The following SDK1 variants were observed in gnomAD, a reference collection of about 807,000 sequenced individuals.
The protein encoded by SDK1 is protein sidekick-1.
Under a neutral mutation model 245.5 loss-of-function variants are expected in SDK1, and 157 were observed. That is an observed-to-expected ratio of 0.64 (90% CI 0.56 to 0.73). SDK1 has a LOEUF of 0.73. Among genes scored for constraint, SDK1 ranks in the 30% least tolerant of loss-of-function variants. The pLI, the probability that SDK1 is intolerant of heterozygous loss-of-function variation, is 0.00. For missense variants in SDK1, 3,583 were observed against 3,002.3 expected, an observed-to-expected ratio of 1.19 and a Z score of -4.52; for synonymous variants, 1,647 against 1,278.5, an observed-to-expected ratio of 1.29 and a Z score of -6.15.
chr7:3,919,060 T>C (rs1031176808), intron 5 of SDK1, among the ~76,000 whole-genome samples: 2 of 152,248 alleles, frequency 1.3e-5, no homozygotes, highest in Non-Finnish European at 2.9e-5. Flanking sequence ...ATATGAATAA[T>C]GTATGCTATC....
At chr7:3,652,781 C>G (rs1783050170) in intron 4 of SDK1, among the ~76,000 whole-genome samples, 3 of 152,110 alleles carry the variant, frequency 2.0e-5, no homozygotes, top group African/African-American at 7.2e-5. Flanking sequence ...ATTGGGTTCA[C>G]ACAAGGTTGA....
intron 44 of SDK1, among the ~76,000 whole-genome samples, chr7:4,249,581 G>C (rs1169543499): frequency 6.6e-6 from 1 of 152,166 alleles, no homozygotes; most frequent in Non-Finnish European, 1.5e-5. Flanking sequence ...GTCTCTTACA[G>C]ACCCCACCAG....
intron 1 of SDK1, among the ~76,000 whole-genome samples, chr7:3,609,887 G>C (rs1392117923): frequency 6.6e-6 from 1 of 151,836 alleles, no homozygotes; most frequent in Non-Finnish European, 1.5e-5. Flanking sequence ...TTTTAGTAGA[G>C]ATGGGGTCTT....
At position 3,557,231 on chromosome 7, in the gene SDK1, A is replaced by G. The variant is rs868426783; in HGVS notation, c.299-61849A>G. 9.8e-5 allele frequency among the ~76,000 whole-genome samples: 15 copies of G among 152,320 alleles called. No individual in the cohort carries two copies. In the Middle Eastern group the frequency reaches 0.01, roughly 104 times the overall value. On this transcript the variant is annotated intron_variant, in intron 1 of 44. Coordinates refer to ENST00000404826, the MANE Select transcript of SDK1 (RefSeq NM_152744.4). ...AACAAAATCGAGAGGAAAAGAGGAC[A>G]CAAATCTGTAATATCAAGAATGAAA...
At chr7:3,334,094 T>G (rs904289477) in intron 1 of SDK1, among the ~76,000 whole-genome samples, 32 of 152,238 alleles carry the variant, frequency 2.1e-4, no homozygotes, top group African/African-American at 7.5e-4. Flanking sequence ...TGGTTCATGT[T>G]TATCATGATC....
rs1270758196 is a variant in SDK1, at chr7:3,725,245, G to A, written c.713+83140G>A. Among the ~76,000 whole-genome samples the A allele has an allele frequency of 3.9e-5, 6 of 152,230 alleles. No homozygotes were observed. In the East Asian group the frequency reaches 1.2e-3, roughly 29 times the overall value. ...AAAGAATGCAGGGTTCAAGGAAGAC[G>A]GACTTTCACATGGTACTCCCAGCAA... On this transcript the variant is annotated intron_variant, in intron 4 of 44. Coordinates refer to ENST00000404826, the MANE Select transcript of SDK1 (RefSeq NM_152744.4).
chr7:4,088,581 A>G (rs1584088636), intron 22 of SDK1, among the ~76,000 whole-genome samples: 1 of 151,954 alleles, frequency 6.6e-6, no homozygotes, highest in East Asian at 1.9e-4. Context: ...GCATAAATAA[A>G]TTTAATTGCA....
chr7:3,591,340 C>G (rs1003238702), intron 1 of SDK1, among the ~76,000 whole-genome samples: 7 of 152,214 alleles, frequency 4.6e-5, no homozygotes, highest in African/African-American at 1.7e-4. Context: ...CTGCAGGGCA[C>G]AGCATGACCT....
At chr7:3,858,850 T>C (rs6976456) in intron 5 of SDK1, among the ~76,000 whole-genome samples, 7,477 of 146,758 alleles carry the variant, frequency 0.051, 639 homozygotes, top group African/African-American at 0.18. Context: ...TCTAAAACCT[T>C]GTATTTTTCT....
chr7:3,715,950 A>G (rs183295400), intron 4 of SDK1, among the ~76,000 whole-genome samples: 34 of 152,326 alleles, frequency 2.2e-4, no homozygotes, highest in African/African-American at 8.2e-4. Flanking sequence ...AGAAGAAGAA[A>G]TTATTTAAAA....
intron 2 of SDK1, among the ~76,000 whole-genome samples, chr7:3,636,732 G>T (rs1415476355): frequency 6.6e-6 from 1 of 152,076 alleles, no homozygotes; most frequent in Non-Finnish European, 1.5e-5. Flanking sequence ...GGGATTTGGG[G>T]GTCATGTGGT....
intron 5 of SDK1, among the ~76,000 whole-genome samples, chr7:3,892,866 T>G (rs1388859848): frequency 6.6e-6 from 1 of 152,122 alleles, no homozygotes; most frequent in Admixed American, 6.5e-5. Context: ...GATCTCAAGT[T>G]CCTCTTCAAT....
intron 28 of SDK1, among the ~76,000 whole-genome samples, chr7:4,139,659 G>GTATATGTA (rs1779411653): frequency 4.3e-5 from 4 of 93,230 alleles, no homozygotes; most frequent in African/African-American, 2.0e-4. Context: ...ATGTGTGTGT[G>GTATATGTA]TATATGTGTG....
intron 4 of SDK1, among the ~76,000 whole-genome samples, chr7:3,754,605 C>G (rs891810150): frequency 6.6e-6 from 1 of 151,608 alleles, no homozygotes; most frequent in Admixed American, 6.6e-5. Context: ...TTCCTCCCAT[C>G]TCTTCCTGTC....
rs775373701 is a variant in SDK1 at position 4,210,147 on chromosome 7, T to C, written c.5524T>C (p.Leu1842=). 1 of 1,585,414 alleles carries C rather than the reference T, an allele frequency of 6.3e-7. No homozygotes were observed. The highest frequency in any genetic ancestry group is 1.2e-5 in the South Asian group (1 of 86,438). Residue 1842 remains leucine (L), a synonymous_variant, in exon 38 of 45, where the codon TTG becomes CTG. Coordinates refer to ENST00000404826, the MANE Select transcript of SDK1 (RefSeq NM_152744.4). ...GGGCTATCGGGTGGTGTACGAGCCC[T>C]TGGCCCCTGTACAAGGTAAGACCCG... ...LQGYRVVYEP[L]APVQGVSKVV...
chr7:3,864,117 T>C (rs1211607866), intron 5 of SDK1, among the ~76,000 whole-genome samples: 1 of 151,752 alleles, frequency 6.6e-6, no homozygotes, highest in East Asian at 1.9e-4. Flanking sequence ...GTTTTTGTTT[T>C]TGTTTTCATA....
chr7:3,756,899 A>C (rs555993366), intron 4 of SDK1, among the ~76,000 whole-genome samples: 1 of 152,296 alleles, frequency 6.6e-6, no homozygotes, highest in Non-Finnish European at 1.5e-5. Context: ...ACCATGACTT[A>C]TTCCTGGCGA....
intron 35 of SDK1, among the ~76,000 whole-genome samples, chr7:4,195,113 A>G (rs1240850414): frequency 1.3e-5 from 2 of 152,218 alleles, no homozygotes; most frequent in African/African-American, 4.8e-5. Flanking sequence ...AATCGTATAC[A>G]TTTATGGAGC....
At chr7:4,198,813 T>C (rs1584425861) in intron 35 of SDK1, among the ~76,000 whole-genome samples, 1 of 57,542 alleles carries the variant, frequency 1.7e-5, no homozygotes, top group South Asian at 6.2e-4. Flanking sequence ...TTTTCTTTGC[T>C]TTTTTTTTTT....
Sources: allele counts gnomAD v4.1 joint callset (sites outside exome capture counted in the v4.1 genomes callset), GRCh38; gene constraint gnomAD v4.1.1; transcripts MANE v1.5; gene names NCBI Gene and HGNC (gene_info 2026-07-23, HGNC 2026-07-21).